The following CD2AP variants were observed in gnomAD, a reference collection of about 807,000 sequenced individuals.
CD2AP encodes CD2-associated protein.
CD2AP carries 46 observed loss-of-function variants against 85.1 expected under a neutral mutation model. That is an observed-to-expected ratio of 0.54 (90% CI 0.43 to 0.69). The LOEUF (loss-of-function observed/expected upper bound fraction) is 0.69, where lower values mean the gene tolerates loss of function less well. Among genes scored for constraint, CD2AP ranks in the 30% least tolerant of loss-of-function variants. The pLI, the probability that CD2AP is intolerant of heterozygous loss-of-function variation, is 0.00. For missense variants in CD2AP, 769 were observed against 729.5 expected (o/e 1.05, Z -0.62); for synonymous variants, 255 against 252.9 (o/e 1.01, Z -0.08).
intron 4 of CD2AP, among the ~76,000 whole-genome samples, chr6:47,553,923 G>A (rs1262504448): frequency 1.3e-5 from 2 of 151,958 alleles, no homozygotes; most frequent in Non-Finnish European, 2.9e-5. Flanking sequence ...AATAGGTTTA[G>A]CAATTTTCTG....
At chr6:47,620,657 A>G (rs570933536) in intron 17 of CD2AP, among the ~76,000 whole-genome samples, 2 of 152,298 alleles carry the variant, frequency 1.3e-5, no homozygotes, top group East Asian at 1.9e-4. Flanking sequence ...CATTTTCACA[A>G]TATTGATTCT....
chr6:47,575,609 A>G (rs1768287151), intron 6 of CD2AP, among the ~76,000 whole-genome samples: 1 of 152,220 alleles, frequency 6.6e-6, no homozygotes, highest in African/African-American at 2.4e-5. Flanking sequence ...CAGAAGACAC[A>G]GTAGTAGGTA....
In CD2AP at chr6:47,624,592, GT is replaced by G. The variant is rs797004904; in HGVS notation, c.*367del. Reference sequence around the variant, plus strand: ...ATGGTGATATATTTACAAGTAATCTGTTAAGATATACTATTTGAGAGGGACA... The same window carrying G: ...ATGGTGATATATTTACAAGTAATCTGTAAGATATACTATTTGAGAGGGACA... On this transcript the variant is annotated 3_prime_UTR_variant, in exon 18 of 18. Transcript: ENST00000359314. The G allele has an allele frequency of 0.88, 190,803 of 217,422 alleles. 84,336 individuals carry two copies. The highest frequency in any genetic ancestry group is 0.92 in the Non-Finnish European group (99,893 of 108,626). 13.5% of individuals were successfully genotyped at this position (217,422 alleles called of 1,614,324 possible).
chr6:47,531,307 A>G (rs1487383030), intron 2 of CD2AP, among the ~76,000 whole-genome samples: 1 of 152,138 alleles, frequency 6.6e-6, no homozygotes, highest in Non-Finnish European at 1.5e-5. Flanking sequence ...GTAACTTAAT[A>G]AATGTTTATA....
Position 47,478,099 on chromosome 6 carries a change from A to C in CD2AP, c.-146A>C, listed in dbSNP as rs1765348894. On this transcript the variant is annotated 5_prime_UTR_variant, in exon 1 of 18. Transcript: ENST00000359314. Reference sequence around the variant, plus strand: ...GTAGGAGAGCGCCGCGGGCGGATGGAGGCGACTCTTCGCCCCGCCTGAGCT... The same window carrying C: ...GTAGGAGAGCGCCGCGGGCGGATGGCGGCGACTCTTCGCCCCGCCTGAGCT... 5 of 1,029,982 alleles carry C rather than the reference A, an allele frequency of 4.9e-6. No homozygotes were observed. Among genetic ancestry groups the C allele is most frequent in the Non-Finnish European group, 5.9e-6 (4 of 683,658 alleles). 63.8% of individuals were successfully genotyped at this position (1,029,982 alleles called of 1,614,324 possible).
chr6:47,507,006 CCTT>C (rs1283697494), intron 2 of CD2AP, among the ~76,000 whole-genome samples: 1 of 152,184 alleles, frequency 6.6e-6, no homozygotes, highest in African/African-American at 2.4e-5. Context: ...TTCAAACCCT[CCTT>C]CTGCTTTGTC....
intron 11 of CD2AP, among the ~76,000 whole-genome samples, chr6:47,589,565 C>CACATATATATATATATATATAT (rs139814970): frequency 0.06 from 7,230 of 119,922 alleles, 389 homozygotes; most frequent in Middle Eastern, 0.1. Flanking sequence ...CACACACACA[C>CACATATATATATATATATATAT]ATATATATAT....
At chr6:47,573,484 G>GTTT (rs765430650) in intron 5 of CD2AP, among the ~76,000 whole-genome samples, 1,417 of 94,570 alleles carry the variant, frequency 0.015, 7 homozygotes, top group Non-Finnish European at 0.018. Context: ...CATGCTGTGT[G>GTTT]TTTTTTTTTT....
At chr6:47,595,197 A>G (rs1768906777) in intron 11 of CD2AP, among the ~76,000 whole-genome samples, 1 of 152,010 alleles carries the variant, frequency 6.6e-6, no homozygotes, top group African/African-American at 2.4e-5. Context: ...CTTTATTGAC[A>G]TAGTATAAAA....
At chr6:47,512,215 G>A (rs563712607) in intron 2 of CD2AP, among the ~76,000 whole-genome samples, 25 of 151,804 alleles carry the variant, frequency 1.6e-4, no homozygotes, top group African/African-American at 5.3e-4. Flanking sequence ...GGTGACATGC[G>A]CCTGTAGTCC....
At position 47,554,883 on chromosome 6, in the gene CD2AP, T is replaced by C. The variant is rs1767638736; in HGVS notation, c.541+117T>C. On this transcript the variant is annotated intron_variant, in intron 5 of 17. Coordinates refer to ENST00000359314, the MANE Select transcript of CD2AP (RefSeq NM_012120.3). Reference sequence around the variant, plus strand: ...CTTTTGAACTTTGAGTCAGCTTCAATTAGTCTACTTTAAAAAAGCAAATTA... The same window carrying C: ...CTTTTGAACTTTGAGTCAGCTTCAACTAGTCTACTTTAAAAAAGCAAATTA... 4.8e-6 allele frequency: 5 copies of C among 1,033,508 alleles called. No homozygotes were observed. In the South Asian group the frequency reaches 6.9e-5, roughly 14 times the overall value. The allele number at this position is 1,033,508 out of a possible 1,614,324, so 64.0% of individuals were successfully genotyped here.
chr6:47,563,400 T>G (rs1045244476), intron 5 of CD2AP, among the ~76,000 whole-genome samples: 1 of 152,224 alleles, frequency 6.6e-6, no homozygotes, highest in Non-Finnish European at 1.5e-5. Flanking sequence ...CAGGAAACAT[T>G]AGAAAATATA....
At chr6:47,478,865 C>A (rs967333842) in intron 1 of CD2AP, among the ~76,000 whole-genome samples, 1 of 152,070 alleles carries the variant, frequency 6.6e-6, no homozygotes, top group African/African-American at 2.4e-5. Context: ...GTTTGGACTT[C>A]AGTGTTGGAT....
rs138722443 is a variant in CD2AP at position 47,626,447 on chromosome 6, A to AT, written c.*2228dup. The AT allele has an allele frequency of 0.35, 53,201 of 152,018 alleles. 10,155 individuals carry two copies. Among genetic ancestry groups the AT allele is most frequent in the Middle Eastern group, 0.53 (156 of 294 alleles). The allele number at this position is 152,018 out of a possible 1,614,324, so 9.4% of individuals were successfully genotyped here. A position where few individuals can be genotyped will look rare whatever the true frequency, so the allele number is the denominator to read the frequency against. The stretch of plus-strand genomic sequence containing the variant: ...ATAATAACCTTGGGGTAAATCATGA[A>AT]TTTTTTTTCTACGTGTGAGTATAAA... On this transcript the variant is annotated 3_prime_UTR_variant, in exon 18 of 18. Coordinates refer to ENST00000359314, the MANE Select transcript of CD2AP (RefSeq NM_012120.3).
intron 4 of CD2AP, among the ~76,000 whole-genome samples, chr6:47,548,893 T>C (rs1767439012): frequency 6.6e-6 from 1 of 152,092 alleles, no homozygotes; most frequent in South Asian, 2.1e-4. Flanking sequence ...GCAGGGATAG[T>C]TTAACATACG....
intron 1 of CD2AP, among the ~76,000 whole-genome samples, chr6:47,480,801 G>A (rs906035073): frequency 6.6e-6 from 1 of 152,122 alleles, no homozygotes. Flanking sequence ...AGGACCAGAG[G>A]GATGAGATGA....
chr6:47,606,299 A>G, intron 14 of CD2AP, 22 bp downstream of exon 14: 2 of 1,283,514 alleles, frequency 1.6e-6, no homozygotes, highest in Non-Finnish European at 2.3e-6. Flanking sequence ...TAATTGTCGT[A>G]AACTACAGTA....
Position 47,609,274 on chromosome 6 carries a change from G to A in CD2AP, c.1784G>A (p.Cys595Tyr). The A allele has an allele frequency of 1.2e-6, 2 of 1,613,584 alleles. No individual in the cohort carries two copies. Among genetic ancestry groups the A allele is most frequent in the Non-Finnish European group, 8.5e-7 (1 of 1,179,764 alleles). ...ELRAQIIELL[C>Y]IVEALKKDHG... Reference sequence around the variant, plus strand: ...AGAGCCCAGATTATTGAATTGTTGTGCATTGTAGAAGCACTGAAAAAGGAT... The same window carrying A: ...AGAGCCCAGATTATTGAATTGTTGTACATTGTAGAAGCACTGAAAAAGGAT... Residue 595 changes from cysteine to tyrosine, a missense_variant, in exon 16 of 18, where the codon TGC (cysteine) becomes TAC (tyrosine). Physicochemically the swap from Cys to Tyr is radical, Grantham distance 194. Transcript: ENST00000359314.
At chr6:47,576,719 A>T in intron 7 of CD2AP, 117 bp downstream of exon 7, 1 of 810,768 alleles carries the variant, frequency 1.2e-6, no homozygotes, top group East Asian at 2.5e-5. Flanking sequence ...ATTCTATTAG[A>T]TGTAAGCACC....
Sources: allele counts gnomAD v4.1 joint callset (sites outside exome capture counted in the v4.1 genomes callset), GRCh38; gene constraint gnomAD v4.1.1; transcripts MANE v1.5; gene names NCBI Gene and HGNC (gene_info 2026-07-23, HGNC 2026-07-21).